Variants in EIF2AK2 observed in about 807,000 individuals in gnomAD.
EIF2AK2 encodes the protein interferon-induced, double-stranded RNA-activated protein kinase.
In EIF2AK2, 40 loss-of-function variants were observed where a neutral mutation model predicts 70.5. The ratio of observed to expected loss-of-function variants is 0.57; its 90% confidence interval spans 0.44 to 0.74. The LOEUF is 0.74. Among genes scored for constraint, EIF2AK2 ranks in the 30% least tolerant of loss-of-function variants. The pLI, the probability that EIF2AK2 is intolerant of heterozygous loss-of-function variation, is 0.00. For missense variants in EIF2AK2, 555 were observed against 644.3 expected (o/e 0.86, Z 1.50); for synonymous variants, 198 against 220.9 (o/e 0.90, Z 0.92).
intron 14 of EIF2AK2, among the ~76,000 whole-genome samples, chr2:37,113,210 G>T (rs1674218155): frequency 6.6e-6 from 1 of 152,102 alleles, no homozygotes; most frequent in Non-Finnish European, 1.5e-5. Flanking sequence ...TTTAAAAGCT[G>T]CAGTGCTGGG....
At chr2:37,147,023 C>G in intron 3 of EIF2AK2, 50 bp from the exon 4 acceptor site, 1 of 1,551,906 alleles carries the variant, frequency 6.4e-7, no homozygotes, top group Non-Finnish European at 8.7e-7. Flanking sequence ...CATGCACTAT[C>G]TAAAAACAAG....
chr2:37,153,693 T>C (rs985929992), intron 1 of EIF2AK2, among the ~76,000 whole-genome samples: 1 of 152,182 alleles, frequency 6.6e-6, no homozygotes, highest in Non-Finnish European at 1.5e-5. Flanking sequence ...TAATATTCCG[T>C]TGTGTATATA....
intron 14 of EIF2AK2, among the ~76,000 whole-genome samples, chr2:37,111,579 C>T (rs561838540): frequency 1.3e-4 from 19 of 150,978 alleles, no homozygotes; most frequent in African/African-American, 4.1e-4. Flanking sequence ...TATGACCAGG[C>T]GCCGTGGCTC....
rs1016715795 is a variant in EIF2AK2 at position 37,130,551 on chromosome 2, T to C, written c.786-4140A>G. Among the ~76,000 whole-genome samples the C allele has an allele frequency of 5.3e-5, 8 of 152,336 alleles. No homozygotes were observed. The South Asian group carries it at 1.4e-3, about 28-fold the overall frequency. ...TTTGTCCTGTTGTCCCAAACCCCTA[T>C]ATCCTCATATTGCAAATTCTTCCCA... On this transcript the variant is annotated intron_variant, in intron 10 of 16. Transcript: ENST00000233057.
chr2:37,136,256 C>T (rs1675123328), intron 9 of EIF2AK2, among the ~76,000 whole-genome samples: 1 of 152,258 alleles, frequency 6.6e-6, no homozygotes, highest in Admixed American at 6.5e-5. Context: ...TGGTTCTTGA[C>T]TGCATCCTGT....
At chr2:37,148,236 C>T (rs1013037268) in intron 2 of EIF2AK2, among the ~76,000 whole-genome samples, 2 of 152,198 alleles carry the variant, frequency 1.3e-5, no homozygotes, top group African/African-American at 4.8e-5. Context: ...TAACTCTGCT[C>T]TGTGCTTCCA....
chr2:37,146,095 T>A (rs181423773), intron 4 of EIF2AK2, among the ~76,000 whole-genome samples: 6 of 152,230 alleles, frequency 3.9e-5, no homozygotes, highest in African/African-American at 1.2e-4. Flanking sequence ...TTTTTCTGTG[T>A]TTAGATATGT....
chr2:37,149,952 A>C (rs532835106), intron 1 of EIF2AK2, among the ~76,000 whole-genome samples: 108 of 152,340 alleles, frequency 7.1e-4, no homozygotes, highest in African/African-American at 2.4e-3. Flanking sequence ...AGTCCAACAA[A>C]GCAACGAAAA....
chr2:37,111,939 C>A (rs74681295), intron 14 of EIF2AK2, among the ~76,000 whole-genome samples: 32,968 of 121,046 alleles, frequency 0.27, 4,728 homozygotes, highest in Non-Finnish European at 0.3. Context: ...CTCTCTCTCT[C>A]TATATATATA....
chr2:37,146,457 G>T (rs757234041), intron 4 of EIF2AK2, among the ~76,000 whole-genome samples: 1 of 152,210 alleles, frequency 6.6e-6, no homozygotes, highest in Non-Finnish European at 1.5e-5. Flanking sequence ...CACAGAGAGT[G>T]AGTGACCACT....
intron 2 of EIF2AK2, chr2:37,148,585 C>T (rs777118420): frequency 4.3e-5 from 35 of 808,508 alleles, no homozygotes; most frequent in Non-Finnish European, 7.4e-5. Flanking sequence ...GCCATAAAAC[C>T]TACTATACTT....
At chr2:37,120,328 A>T (rs1674493831) in intron 12 of EIF2AK2, among the ~76,000 whole-genome samples, 189 bp from the exon 13 acceptor site, 1 of 150,488 alleles carries the variant, frequency 6.6e-6, no homozygotes, top group Non-Finnish European at 1.5e-5. Context: ...CCACGGTGAA[A>T]CCCCGTCTCT....
intron 13 of EIF2AK2, among the ~76,000 whole-genome samples, chr2:37,117,079 G>C (rs993892968): frequency 1.3e-5 from 2 of 151,970 alleles, no homozygotes; most frequent in Admixed American, 1.3e-4. Flanking sequence ...TGGGCATCAT[G>C]GCAGGCGCCT....
chr2:37,107,408 T>G lies in EIF2AK2; in HGVS notation c.1534-13A>C. On this transcript the variant is annotated splice_polypyrimidine_tract_variant and intron_variant, in intron 16 of 16. Coordinates refer to ENST00000233057, the MANE Select transcript of EIF2AK2 (RefSeq NM_001135651.3). ...GTAGAAGAGTTTTCTGCAATGACAGTGAGAGTCAATAGTAAGAAATAAAAC... is the reference window on the plus strand; with the variant it reads ...GTAGAAGAGTTTTCTGCAATGACAGGGAGAGTCAATAGTAAGAAATAAAAC... 1 of 1,612,362 alleles carries G rather than the reference T, an allele frequency of 6.2e-7. No individual in the cohort carries two copies. Among genetic ancestry groups the G allele is most frequent in the African/African-American group, 1.3e-5 (1 of 74,864 alleles).
rs1023702231 is a variant in EIF2AK2 at position 37,102,912 on chromosome 2, C to A, written c.*4361G>T. 6.6e-6 allele frequency: 1 copy of A among 151,808 alleles called. No individual in the cohort carries two copies. Among genetic ancestry groups the A allele is most frequent in the East Asian group, 1.9e-4 (1 of 5,168 alleles). 9.4% of individuals were successfully genotyped at this position (151,808 alleles called of 1,614,324 possible). ...TGTATGTATTTATGTTAAACATGTA[C>A]GTATTTAAATAACATGTGGTTTAGT... On this transcript the variant is annotated 3_prime_UTR_variant, in exon 17 of 17. Transcript: ENST00000233057.
chr2:37,152,310 C>T (rs1675771352), intron 1 of EIF2AK2, among the ~76,000 whole-genome samples: 1 of 152,094 alleles, frequency 6.6e-6, no homozygotes, highest in African/African-American at 2.4e-5. Flanking sequence ...GAGACAGGGC[C>T]TCACTCTGTT....
intron 6 of EIF2AK2, among the ~76,000 whole-genome samples, chr2:37,139,247 G>A (rs968376701): frequency 3.3e-5 from 5 of 151,250 alleles, no homozygotes; most frequent in East Asian, 2.0e-4. Flanking sequence ...CATGGGAGGC[G>A]GAGGTTGCAG....
chr2:37,126,175 G>T, intron 11 of EIF2AK2, 114 bp downstream of exon 11: 1 of 1,347,264 alleles, frequency 7.4e-7, no homozygotes, highest in Non-Finnish European at 9.9e-7. Flanking sequence ...AATGTTTAAT[G>T]AGGATCAGAA....
rs1464275012 is a variant in EIF2AK2 at position 37,104,804 on chromosome 2, C to T, written c.*2469G>A. On this transcript the variant is annotated 3_prime_UTR_variant, in exon 17 of 17. Transcript: ENST00000233057. The stretch of plus-strand genomic sequence containing the variant: ...TAATAATTTCCTCATGATTAAATTC[C>T]AGTTTAACACTTTGTGCAAGAAAAC... 1.3e-5 allele frequency: 2 copies of T among 151,784 alleles called. No individual in the cohort carries two copies. The highest frequency in any genetic ancestry group is 3.9e-4 in the East Asian group (2 of 5,178). The allele number at this position is 151,784 out of a possible 1,614,324, so 9.4% of individuals were successfully genotyped here.
Sources: allele counts gnomAD v4.1 joint callset (sites outside exome capture counted in the v4.1 genomes callset), GRCh38; gene constraint gnomAD v4.1.1; transcripts MANE v1.5; gene names NCBI Gene and HGNC (gene_info 2026-07-23, HGNC 2026-07-21).